Variants in CLIC5 observed in about 807,000 individuals in gnomAD.
CLIC5 encodes the protein chloride intracellular channel protein 5.
A neutral mutation model predicts 24.7 loss-of-function variants in CLIC5; 20 were observed. The ratio of observed to expected loss-of-function variants is 0.81; its 90% CI spans 0.57 to 1.18. CLIC5 has a LOEUF of 1.18. Among genes scored for constraint, CLIC5 ranks in the 50% most tolerant of loss-of-function variants. The probability of loss-of-function intolerance (pLI) is 0.00; values close to 1 mark genes in which losing one functional copy is unlikely to be tolerated. For synonymous variants in CLIC5, 159 were observed against 135.6 expected (o/e 1.17, Z -1.20); for missense variants, 341 against 326.1 (o/e 1.05, Z -0.35).
rs1487996381 is a variant in CLIC5 at position 46,007,009 on chromosome 6, ACTT to A, written c.63+8468_63+8470del. ...TTTTAAAGCAAGTCCTTATTTCTGT[ACTT>A]CTTCTCCATGCTCCCTCCTCTGGGG... On this transcript the variant is annotated intron_variant, in intron 1 of 5. Coordinates refer to ENST00000339561, the MANE Select transcript of CLIC5 (RefSeq NM_016929.5). 7.2e-5 allele frequency among the ~76,000 whole-genome samples: 11 copies of A among 152,176 alleles called. No individual in the cohort carries two copies. In the South Asian group the frequency reaches 2.1e-3, roughly 29 times the overall value.
chr6:46,060,462 C>T (rs1762222281), intron 1 of CLIC5, among the ~76,000 whole-genome samples: 1 of 151,994 alleles, frequency 6.6e-6, no homozygotes, highest in Non-Finnish European at 1.5e-5. Context: ...TTGTATGGTG[C>T]TTATTTTGTG....
Position 46,062,134 on chromosome 6 carries a change from C to T in CLIC5, c.540+17569G>A, listed in dbSNP as rs367997826. The stretch of plus-strand genomic sequence containing the variant: ...TCATTTAAATTTAAACAGCCACATG[C>T]GCTAATGGCTACCATTTTGAATAGT... On this transcript the variant is annotated intron_variant, in intron 1 of 5. Transcript: ENST00000185206. Among the ~76,000 whole-genome samples the T allele has an allele frequency of 6.6e-4, 100 of 152,288 alleles. 1 individual carries two copies. The highest frequency in any genetic ancestry group is 3.4e-3 in the Middle Eastern group (1 of 294).
intron 4 of CLIC5, among the ~76,000 whole-genome samples, chr6:45,919,555 T>C (rs1172063457): frequency 6.6e-6 from 1 of 152,134 alleles, no homozygotes. Context: ...GGGCTTTTCT[T>C]TTAGTTTTCC....
chr6:45,907,430 T>C (rs549564555), intron 5 of CLIC5, among the ~76,000 whole-genome samples: 2 of 152,306 alleles, frequency 1.3e-5, no homozygotes, highest in East Asian at 1.9e-4. Flanking sequence ...GGTTTGCTAG[T>C]ATTTTGTTGT....
intron 4 of CLIC5, among the ~76,000 whole-genome samples, chr6:45,916,113 G>A (rs369582654): frequency 9.2e-5 from 14 of 152,268 alleles, no homozygotes; most frequent in African/African-American, 3.4e-4. Flanking sequence ...TTTTGTTTGA[G>A]ACAATGGAAA....
intron 5 of CLIC5, among the ~76,000 whole-genome samples, chr6:45,905,848 T>C (rs1762646124): frequency 6.6e-6 from 1 of 152,216 alleles, no homozygotes; most frequent in South Asian, 2.1e-4. Flanking sequence ...TTCTTACAAG[T>C]TGAGGTAAAT....
At chr6:45,889,080 G>A (rs188470814) in intron 6 of CLIC5, among the ~76,000 whole-genome samples, 88 of 152,262 alleles carry the variant, frequency 5.8e-4, no homozygotes, top group African/African-American at 1.2e-3. Context: ...TGAAAGATCC[G>A]TCAGTCTGTT....
At position 45,941,642 on chromosome 6, in the gene CLIC5, A is replaced by G; in HGVS notation, c.311T>C (p.Leu104Pro). ...GTTGGATTCCCGGTGTTTTGCAGCC[A>G]GTTTGGGGTACCTGGAATGGAGGAT... ...ETLTPEKYPK[L>P]AAKHRESNTA... is the part of the protein sequence containing the mutation. The change falls in exon 4 of 6, where the codon CTG (leucine) becomes CCG (proline). Residue 104 changes from leucine to proline, a missense_variant. Coordinates refer to ENST00000339561, the MANE Select transcript of CLIC5 (RefSeq NM_016929.5). 1 of 1,613,938 alleles carries G rather than the reference A, an allele frequency of 6.2e-7. No individual in the cohort carries two copies. Among genetic ancestry groups the G allele is most frequent in the Non-Finnish European group, 8.5e-7 (1 of 1,179,878 alleles).
At chr6:45,952,984 C>G (rs1283978139) in intron 2 of CLIC5, among the ~76,000 whole-genome samples, 1 of 152,162 alleles carries the variant, frequency 6.6e-6, no homozygotes, top group Non-Finnish European at 1.5e-5. Context: ...AAACTAGTTT[C>G]TATGGAGGAT....
rs188099316 is a variant in CLIC5, at chr6:45,907,227, T to C, written c.589-3972A>G. On this transcript the variant is annotated intron_variant, in intron 5 of 5. Coordinates refer to ENST00000339561, the MANE Select transcript of CLIC5 (RefSeq NM_016929.5). ...TTAATGCCTAATTTATTGAAGGTTT[T>C]TGTCATGAAGGGATGTTGAATTTTA... Among the ~76,000 whole-genome samples, 516 of 152,338 alleles carry C rather than the reference T, an allele frequency of 3.4e-3. 2 individuals carry two copies. The highest frequency in any genetic ancestry group is 4.6e-3 in the Non-Finnish European group (315 of 68,030).
chr6:46,086,501 C>A, the CLIC5 span, among the ~76,000 whole-genome samples: 2 of 152,102 alleles, frequency 1.3e-5, no homozygotes, highest in African/African-American at 4.8e-5. Flanking sequence ...GGAGAGTAAT[C>A]CTGATTGGAT....
intron 6 of CLIC5, among the ~76,000 whole-genome samples, chr6:45,884,273 C>T (rs1231133211): frequency 6.6e-6 from 1 of 152,108 alleles, no homozygotes; most frequent in African/African-American, 2.4e-5. Context: ...TAAAAGTGTC[C>T]CACAGGTAGG....
At chr6:46,011,684 G>A (rs1269202881) in intron 1 of CLIC5, among the ~76,000 whole-genome samples, 1 of 152,118 alleles carries the variant, frequency 6.6e-6, no homozygotes, top group Non-Finnish European at 1.5e-5. Flanking sequence ...CAATGCAAAT[G>A]GGTGGAATGC....
chr6:46,082,676 T>A (rs1303275695), upstream of CLIC5, among the ~76,000 whole-genome samples: 1 of 151,988 alleles, frequency 6.6e-6, no homozygotes, highest in African/African-American at 2.4e-5. Context: ...TTCCCCCAAC[T>A]CCTATAAATT....
chr6:45,992,650 A>C (rs1765983774), intron 1 of CLIC5, among the ~76,000 whole-genome samples: 1 of 152,174 alleles, frequency 6.6e-6, no homozygotes. Context: ...ACACTCCAGT[A>C]TATCTGCTGT....
chr6:46,025,866 T>C (rs147674104), intron 1 of CLIC5, among the ~76,000 whole-genome samples: 48 of 152,268 alleles, frequency 3.2e-4, no homozygotes, highest in Non-Finnish European at 5.4e-4. Flanking sequence ...TCTGTGGCAC[T>C]TCCCCCTTTG....
intron 1 of CLIC5, among the ~76,000 whole-genome samples, chr6:45,963,895 T>A (rs1302933168): frequency 2.6e-5 from 4 of 152,196 alleles, no homozygotes; most frequent in African/African-American, 9.6e-5. Flanking sequence ...AACTAAATGA[T>A]CTGACCTTCC....
intron 5 of CLIC5, among the ~76,000 whole-genome samples, chr6:45,911,147 C>T (rs1762805980): frequency 6.6e-6 from 1 of 152,188 alleles, no homozygotes; most frequent in Non-Finnish European, 1.5e-5. Context: ...CCAACCTCTT[C>T]CCTTTGTTCC....
Position 46,067,938 on chromosome 6 carries a change from A to G in CLIC5, c.540+11765T>C, listed in dbSNP as rs1289508180. On this transcript the variant is annotated intron_variant, in intron 1 of 5. Transcript: ENST00000185206. ...TTATGTCCACCTGGAACCTGAAAAT[A>G]TGACCTTATTTGGAAAAAGCGTATT... 2.6e-5 allele frequency among the ~76,000 whole-genome samples: 4 copies of G among 152,190 alleles called. No homozygotes were observed. In the East Asian group the frequency reaches 7.7e-4, roughly 29 times the overall value.
Sources: gnomAD v4.1 joint callset for allele counts (sites outside exome capture counted in the v4.1 genomes callset) on GRCh38, gnomAD v4.1.1 for gene constraint, MANE v1.5 for transcripts, NCBI Gene and HGNC (gene_info 2026-07-23, HGNC 2026-07-21) for gene names.